The following ASTN2 variants were observed in gnomAD, a reference collection of about 807,000 sequenced individuals.
ASTN2 encodes the protein astrotactin-2.
Under a neutral mutation model 139.8 loss-of-function variants are expected in ASTN2, and 54 were observed. The observed-to-expected ratio is 0.39, with a 90% CI of 0.31 to 0.48. The LOEUF is 0.48. Among genes scored for constraint, ASTN2 ranks in the 20% least tolerant of loss-of-function variants. The pLI is 0.95. For missense variants in ASTN2, 1,565 were observed against 1,725.1 expected (o/e 0.91, Z 1.64); for synonymous variants, 756 against 719.5 (o/e 1.05, Z -0.81).
At chr9:117,247,720 G>A (rs1833423466) in intron 2 of ASTN2, among the ~76,000 whole-genome samples, 1 of 152,218 alleles carries the variant, frequency 6.6e-6, no homozygotes, top group African/African-American at 2.4e-5. Context: ...CTGAGATCTG[G>A]CTCTGCTTCC....
intron 10 of ASTN2, among the ~76,000 whole-genome samples, chr9:116,951,291 C>T (rs563218681): frequency 6.6e-5 from 9 of 135,718 alleles, no homozygotes; most frequent in African/African-American, 1.9e-4. Flanking sequence ...GAGCCAAGAT[C>T]ACGCCACTGC....
At chr9:116,851,055 GAGCTCTGAATGCAGCT>G (rs1253212394) in intron 11 of ASTN2, among the ~76,000 whole-genome samples, 5 of 152,148 alleles carry the variant, frequency 3.3e-5, no homozygotes, top group Non-Finnish European at 7.3e-5. Flanking sequence ...CTTAGTTGTT[GAGCTCTGAATGCAGCT>G]AAAATTCAAC....
At chr9:117,072,861 T>G (rs563977061) in intron 5 of ASTN2, among the ~76,000 whole-genome samples, 1 of 152,068 alleles carries the variant, frequency 6.6e-6, no homozygotes, top group East Asian at 1.9e-4. Flanking sequence ...ATACAAAGGG[T>G]TAGGTATCCA....
At chr9:116,724,006 A>G (rs956469938) in intron 16 of ASTN2, among the ~76,000 whole-genome samples, 3 of 152,160 alleles carry the variant, frequency 2.0e-5, no homozygotes, top group African/African-American at 7.2e-5. Context: ...ATGATCCACC[A>G]TACAAGGAAT....
chr9:117,319,845 G>A (rs558304024), intron 1 of ASTN2, among the ~76,000 whole-genome samples: 25 of 152,234 alleles, frequency 1.6e-4, no homozygotes, highest in African/African-American at 5.8e-4. Context: ...CATGAAGGCG[G>A]TAATTCCCAA....
intron 17 of ASTN2, among the ~76,000 whole-genome samples, chr9:116,646,734 C>T (rs1434606046): frequency 1.3e-5 from 2 of 152,126 alleles, no homozygotes; most frequent in Non-Finnish European, 2.9e-5. Context: ...TACAGTCTTT[C>T]AGCTCTAACA....
At chr9:117,159,252 T>A (rs902741766) in intron 3 of ASTN2, among the ~76,000 whole-genome samples, 2 of 151,988 alleles carry the variant, frequency 1.3e-5, no homozygotes, top group South Asian at 4.1e-4. Flanking sequence ...ACAGTTTTTT[T>A]AAAATCCCCC....
At chr9:117,297,309 G>A (rs914704648) in intron 1 of ASTN2, among the ~76,000 whole-genome samples, 4 of 152,210 alleles carry the variant, frequency 2.6e-5, no homozygotes, top group African/African-American at 9.6e-5. Flanking sequence ...GTTGGGAAAG[G>A]TAGTGGTGTT....
chr9:116,865,394 T>C lies in ASTN2; in HGVS notation c.1890-1661A>G, dbSNP rs1832987734. On this transcript the variant is annotated intron_variant, in intron 10 of 22. Coordinates refer to ENST00000313400, the MANE Select transcript of ASTN2 (RefSeq NM_001365068.1). The stretch of plus-strand genomic sequence containing the variant: ...GCTGAGGTGAGAGGATCTCTTGAGC[T>C]ACAGTGAGCCATGATCAAAACACTG... 3.1e-5 allele frequency among the ~76,000 whole-genome samples: 4 copies of C among 131,092 alleles called. No individual in the cohort carries two copies. In the South Asian group the frequency reaches 9.8e-4, roughly 32 times the overall value. 86.0% of individuals were successfully genotyped at this position (131,092 alleles called of 152,430 possible).
chr9:116,572,719 A>T (rs1193582380), intron 19 of ASTN2, among the ~76,000 whole-genome samples: 1 of 152,164 alleles, frequency 6.6e-6, no homozygotes, highest in Non-Finnish European at 1.5e-5. Context: ...TGCTTACCCA[A>T]TGACTTCACG....
intron 10 of ASTN2, among the ~76,000 whole-genome samples, chr9:116,924,240 C>G (rs1427080767): frequency 6.7e-6 from 1 of 150,060 alleles, no homozygotes; most frequent in Non-Finnish European, 1.5e-5. Flanking sequence ...GAAATCCTAT[C>G]TCTACTAAAA....
chr9:116,766,166 G>A (rs1829802006), intron 13 of ASTN2, among the ~76,000 whole-genome samples: 1 of 151,990 alleles, frequency 6.6e-6, no homozygotes, highest in South Asian at 2.1e-4. Context: ...TATACAAATG[G>A]CCTAAAACTA....
At chr9:117,299,072 TA>T (rs1176417132) in intron 1 of ASTN2, among the ~76,000 whole-genome samples, 33 of 152,092 alleles carry the variant, frequency 2.2e-4, no homozygotes, top group African/African-American at 8.0e-4. Context: ...TGAAGTGAGA[TA>T]GGGGAAGTTC....
chr9:117,164,253 G>C (rs1055597969), intron 3 of ASTN2, among the ~76,000 whole-genome samples: 4 of 152,040 alleles, frequency 2.6e-5, no homozygotes, highest in African/African-American at 9.7e-5. Context: ...ATTGAGACAA[G>C]GTCAGGATGA....
intron 3 of ASTN2, among the ~76,000 whole-genome samples, chr9:117,199,049 A>G (rs1453488732): frequency 6.6e-6 from 1 of 152,192 alleles, no homozygotes; most frequent in Non-Finnish European, 1.5e-5. Flanking sequence ...TCAGATGGGT[A>G]GATTACAAAC....
At chr9:117,057,431 C>T (rs534268886) in intron 5 of ASTN2, among the ~76,000 whole-genome samples, 47 of 152,270 alleles carry the variant, frequency 3.1e-4, no homozygotes, top group African/African-American at 8.4e-4. Flanking sequence ...ACACACCTGG[C>T]GCTTCCTGCA....
chr9:116,792,111 AC>A (rs1728250811), intron 13 of ASTN2, among the ~76,000 whole-genome samples: 1 of 152,172 alleles, frequency 6.6e-6, no homozygotes, highest in African/African-American at 2.4e-5. Flanking sequence ...TACCATAAAT[AC>A]GGGGAAAGAT....
At chr9:117,380,426 G>A (rs1316972028) in intron 1 of ASTN2, among the ~76,000 whole-genome samples, 1 of 151,946 alleles carries the variant, frequency 6.6e-6, no homozygotes, top group Non-Finnish European at 1.5e-5. Context: ...CCGACATGGT[G>A]AAACCCTGTC....
intron 11 of ASTN2, among the ~76,000 whole-genome samples, chr9:116,851,172 C>A (rs915014293): frequency 3.3e-5 from 5 of 152,088 alleles, no homozygotes; most frequent in Admixed American, 2.6e-4. Context: ...GAATCCATTA[C>A]CAACAGTCAA....
Sources: allele counts gnomAD v4.1 joint callset (sites outside exome capture counted in the v4.1 genomes callset), GRCh38; gene constraint gnomAD v4.1.1; transcripts MANE v1.5; gene names NCBI Gene and HGNC (gene_info 2026-07-23, HGNC 2026-07-21).